Variants in HEATR4 observed in about 807,000 individuals in gnomAD.
HEATR4 encodes HEAT repeat-containing protein 4.
HEATR4 carries 95 observed loss-of-function variants against 108.8 expected under a neutral mutation model. That is an observed-to-expected ratio of 0.87 (90% CI 0.74 to 1.04). The LOEUF (loss-of-function observed/expected upper bound fraction) is 1.04, where lower values mean the gene tolerates loss of function less well. HEATR4 is among the 50% of genes least tolerant of loss of function. The pLI, the probability that HEATR4 is intolerant of heterozygous loss-of-function variation, is 0.00. For synonymous variants in HEATR4, 443 were observed against 459.4 expected, an observed-to-expected ratio of 0.96 and a Z score of 0.46; for missense variants, 1,152 against 1,253.8, an observed-to-expected ratio of 0.92 and a Z score of 1.23.
chr14:73,511,976 G>A lies in HEATR4; in HGVS notation c.1558+30C>T, dbSNP rs113664312. 36 of 1,613,354 alleles carry A rather than the reference G, an allele frequency of 2.2e-5. 2 individuals are homozygous for A. Among genetic ancestry groups the A allele is most frequent in the African/African-American group, 1.9e-4 (14 of 75,024 alleles). On this transcript the variant is annotated intron_variant, in intron 7 of 17. Coordinates refer to ENST00000553558, the MANE Select transcript of HEATR4 (RefSeq NM_001220484.1). ...TTCCATGGCTTTATGAGTTGCTTAT[G>A]TTCTCAAGCAGTTCAGCTTTGGCTC... is the stretch of plus-strand genomic sequence containing the variant.
the HEATR4 span, among the ~76,000 whole-genome samples, chr14:73,578,174 A>G: frequency 2.0e-5 from 3 of 151,894 alleles, no homozygotes. Context: ...ATAACATGAA[A>G]AATTTTAAAA....
chr14:73,478,701 C>T lies in HEATR4; in HGVS notation c.2986G>A (p.Asp996Asn), dbSNP rs759422294. The T allele has an allele frequency of 4.3e-6, 7 of 1,613,152 alleles. No individual in the cohort carries two copies. The highest frequency in any genetic ancestry group is 5.1e-6 in the Non-Finnish European group (6 of 1,179,848). ...KRIAVGPFRS[D>N]YPALYLGKFS... ...TTACCCAGATAAAGAGCTGGGTAGT[C>T]GGATCTAAATGGTCCCACAGCAATC... The change falls in exon 18 of 18, where the codon GAC becomes AAC. Residue 996 changes from aspartate to asparagine, a missense_variant. Transcript: ENST00000553558.
At chr14:73,613,288 T>C in the HEATR4 span, among the ~76,000 whole-genome samples, 2 of 152,180 alleles carry the variant, frequency 1.3e-5, no homozygotes, top group Admixed American at 1.3e-4. Flanking sequence ...CTTTCCTTTT[T>C]AAGTTTCACG....
the HEATR4 span, among the ~76,000 whole-genome samples, chr14:73,623,208 G>C: frequency 6.6e-6 from 1 of 152,106 alleles, no homozygotes; most frequent in Non-Finnish European, 1.5e-5. Context: ...ACCACGCCTG[G>C]CCTTATAGTG....
rs530059984 is a variant in HEATR4, at chr14:73,517,955, G to A, written c.1210+1068C>T. 6.2e-4 allele frequency among the ~76,000 whole-genome samples: 94 copies of A among 152,206 alleles called. 2 individuals are homozygous for A. The Middle Eastern group carries it at 0.01, about 17-fold the overall frequency. On this transcript the variant is annotated intron_variant, in intron 5 of 17. Transcript: ENST00000553558. ...ACAAAAATTAGCTGGGTGTGGTGGC[G>A]CGCACCTGTAGTCCCAGCTACTCGT...
the HEATR4 span, chr14:73,575,786 T>G: frequency 6.1e-6 from 1 of 163,068 alleles, no homozygotes; most frequent in East Asian, 1.9e-4. Flanking sequence ...GCTTTAGTTC[T>G]GAAAGGAAAA....
At chr14:73,496,995 A>G (rs1886145286) in intron 14 of HEATR4, among the ~76,000 whole-genome samples, 1 of 152,218 alleles carries the variant, frequency 6.6e-6, no homozygotes, top group Non-Finnish European at 1.5e-5. Flanking sequence ...TCCCAGGTTC[A>G]AGCGATTCTC....
the HEATR4 span, among the ~76,000 whole-genome samples, chr14:73,597,591 C>CTTTTTTTTTTTTTTTTTTTTTTTTTTTCT: frequency 2.0e-5 from 2 of 98,208 alleles, no homozygotes; most frequent in African/African-American, 7.5e-5. Flanking sequence ...TTTTTCTTTT[C>CTTTTTTTTTTTTTTTTTTTTTTTTTTTCT]TTTTTTTTTT....
intron 17 of HEATR4, among the ~76,000 whole-genome samples, chr14:73,488,632 G>A (rs1885543354): frequency 1.3e-5 from 2 of 152,072 alleles, no homozygotes; most frequent in South Asian, 4.1e-4. Context: ...ACAGCCTGAG[G>A]AACTGTGAGC....
chr14:73,569,003 G>T, the HEATR4 span: 2 of 545,286 alleles, frequency 3.7e-6, no homozygotes, highest in South Asian at 5.2e-5. Flanking sequence ...CTAGCTGCCT[G>T]GTTCTTTAAG....
At chr14:73,591,689 G>A in the HEATR4 span, 1 of 381,672 alleles carries the variant, frequency 2.6e-6, no homozygotes, top group East Asian at 3.9e-5. Context: ...AGGCAGAGAG[G>A]CTTTCTACGG....
Position 73,537,971 on chromosome 14 carries a change from C to T in HEATR4, c.-151-7727G>A. ...TGTGTGTCCCCTTCGCCCCGCCCCG[C>T]TCTTTTCGCTTGTGTGTGTGTCCCT... On this transcript the variant is annotated intron_variant, in intron 1 of 17. Transcript: ENST00000553558. 2 of 1,007,238 alleles carry T rather than the reference C, an allele frequency of 2.0e-6. 1 individual carries two copies. The highest frequency in any genetic ancestry group is 2.5e-6 in the Non-Finnish European group (2 of 787,244). 62.4% of individuals were successfully genotyped at this position (1,007,238 alleles called of 1,614,324 possible). A position where few individuals can be genotyped will look rare whatever the true frequency, so the allele number is the denominator to read the frequency against.
rs777656399 is a variant in HEATR4 at position 73,498,221 on chromosome 14, T to A, written c.2480A>T (p.Gln827Leu). 5.0e-6 allele frequency: 8 copies of A among 1,614,052 alleles called. No individual in the cohort carries two copies. The South Asian group carries it at 8.8e-5, about 18-fold the overall frequency. Reference sequence around the variant, plus strand: ...GAAGGTGTCCCTGACCCGGTCCCCTTGAAGTTTCAGGGCTAGGATGCTACG... The same window carrying A: ...GAAGGTGTCCCTGACCCGGTCCCCTAGAAGTTTCAGGGCTAGGATGCTACG... Reference protein sequence around the residue: ...ACRSILALKLQGDRVRDTFLD... With the variant: ...ACRSILALKLLGDRVRDTFLD... The change falls in exon 14 of 18, where the codon CAA becomes CTA. Residue 827 changes from glutamine to leucine, a missense_variant. Coordinates refer to ENST00000553558, the MANE Select transcript of HEATR4 (RefSeq NM_001220484.1).
chr14:73,622,428 G>T, the HEATR4 span, among the ~76,000 whole-genome samples: 4 of 152,148 alleles, frequency 2.6e-5, no homozygotes, highest in Non-Finnish European at 5.9e-5. Context: ...TTGACACAGA[G>T]TTTCGCTCTT....
chr14:73,611,103 T>C, the HEATR4 span: 2 of 152,234 alleles, frequency 1.3e-5, no homozygotes, highest in Non-Finnish European at 2.9e-5. Flanking sequence ...GTTTTCTCAC[T>C]GGACTCAGAC....
chr14:73,484,819 C>CAA (rs1885384977), intron 17 of HEATR4, among the ~76,000 whole-genome samples: 1 of 149,158 alleles, frequency 6.7e-6, no homozygotes, highest in Non-Finnish European at 1.5e-5. Context: ...CAGACACACA[C>CAA]ACACACACAC....
At position 73,551,332 on chromosome 14, in the gene HEATR4, C is replaced by T. The variant is rs1327115735; in HGVS notation, c.-152+7419G>A. On this transcript the variant is annotated intron_variant, in intron 1 of 17. Transcript: ENST00000553558. ...GAAGGAGAGGGCTTTTCTCCCTCAC[C>T]CACTAGGAATGTCAGGTGGTGGTTG... Among the ~76,000 whole-genome samples the T allele has an allele frequency of 2.1e-4, 24 of 114,972 alleles. 8 individuals are homozygous for T. Among genetic ancestry groups the T allele is most frequent in the South Asian group, 5.5e-4 (2 of 3,610 alleles). 75.4% of individuals were successfully genotyped at this position (114,972 alleles called of 152,430 possible). A position where few individuals can be genotyped will look rare whatever the true frequency, so the allele number is the denominator to read the frequency against.
At chr14:73,604,189 G>C in the HEATR4 span, among the ~76,000 whole-genome samples, 1 of 92,370 alleles carries the variant, frequency 1.1e-5, no homozygotes, top group African/African-American at 4.5e-5. Flanking sequence ...TTTTGAGATG[G>C]AGTCTCGCTC....
the HEATR4 span, among the ~76,000 whole-genome samples, chr14:73,628,871 G>A: frequency 2.6e-5 from 4 of 151,636 alleles, no homozygotes; most frequent in Non-Finnish European, 5.9e-5. Context: ...GGTCAACATG[G>A]TGAAACCCCC....
Sources: gnomAD v4.1 joint callset for allele counts (sites outside exome capture counted in the v4.1 genomes callset) on GRCh38, gnomAD v4.1.1 for gene constraint, MANE v1.5 for transcripts, NCBI Gene and HGNC (gene_info 2026-07-23, HGNC 2026-07-21) for gene names.